Variants in AGBL1 observed in about 807,000 individuals in gnomAD.
AGBL1 encodes cytosolic carboxypeptidase 4.
Under a neutral mutation model 118.9 loss-of-function variants are expected in AGBL1, and 130 were observed. The observed-to-expected ratio is 1.09, with a 90% confidence interval of 0.95 to 1.26. The LOEUF (loss-of-function observed/expected upper bound fraction) is 1.26, where lower values mean the gene tolerates loss of function less well. AGBL1 is among the 50% of genes most tolerant of loss of function. AGBL1 has a pLI of 0.00. For missense variants in AGBL1, 1,584 were observed against 1,298.1 expected (o/e 1.22, Z -3.38); for synonymous variants, 555 against 478.9 (o/e 1.16, Z -2.08).
At chr15:86,740,137 A>C (rs2077656818) in intron 22 of AGBL1, among the ~76,000 whole-genome samples, 1 of 152,244 alleles carries the variant, frequency 6.6e-6, no homozygotes, top group African/African-American at 2.4e-5. Flanking sequence ...CCCAGCAAGT[A>C]CATTTCATTC....
chr15:86,819,463 A>G (rs1325754314), intron 22 of AGBL1, among the ~76,000 whole-genome samples: 5 of 151,994 alleles, frequency 3.3e-5, no homozygotes, highest in African/African-American at 9.7e-5. Context: ...TTAATGTGCA[A>G]AAATCACAAG....
At position 86,492,971 on chromosome 15, in the gene AGBL1, G is replaced by A. The variant is rs571956917; in HGVS notation, c.2556-29839G>A. Among the ~76,000 whole-genome samples the A allele has an allele frequency of 2.6e-5, 4 of 152,186 alleles. No homozygotes were observed. The East Asian group carries it at 5.9e-4, about 22-fold the overall frequency. On this transcript the variant is annotated intron_variant, in intron 18 of 22. Transcript: ENST00000614907. ...TGGGAGACTGAGGTGGGCAGATCAC[G>A]AGGTCAAGAGATCCAGACCATCCTG...
chr15:86,240,556 C>A lies in AGBL1; in HGVS notation c.527-7115C>A, dbSNP rs559525769. On this transcript the variant is annotated intron_variant, in intron 6 of 22. Coordinates refer to ENST00000614907, the MANE Select transcript of AGBL1 (RefSeq NM_001386094.1). Reference sequence around the variant, plus strand: ...ATGTGGAGTCCTATTTGGGATCAGGCAAGTTTTGCAATATAATTGCTCAAG... The same window carrying A: ...ATGTGGAGTCCTATTTGGGATCAGGAAAGTTTTGCAATATAATTGCTCAAG... Among the ~76,000 whole-genome samples the A allele has an allele frequency of 2.6e-5, 4 of 152,186 alleles. No individual in the cohort carries two copies. In the South Asian group the frequency reaches 8.3e-4, roughly 32 times the overall value.
intron 22 of AGBL1, among the ~76,000 whole-genome samples, chr15:86,718,543 A>G (rs1276372697): frequency 6.6e-6 from 1 of 152,178 alleles, no homozygotes; most frequent in Non-Finnish European, 1.5e-5. Context: ...TAATAAGAAA[A>G]AAACCATCCT....
intron 17 of AGBL1, among the ~76,000 whole-genome samples, chr15:86,376,145 A>G (rs1345632454): frequency 2.0e-5 from 3 of 152,148 alleles, no homozygotes; most frequent in Non-Finnish European, 1.5e-5. Context: ...CAAGTTAGAG[A>G]CTCAATGGGA....
intron 22 of AGBL1, among the ~76,000 whole-genome samples, chr15:86,814,275 C>G (rs992649395): frequency 2.6e-5 from 4 of 152,200 alleles, no homozygotes; most frequent in Non-Finnish European, 5.9e-5. Context: ...GATAATCTAA[C>G]TAATGCCTGA....
intron 22 of AGBL1, among the ~76,000 whole-genome samples, chr15:86,721,010 G>C (rs1398311715): frequency 6.6e-6 from 1 of 152,072 alleles, no homozygotes; most frequent in Non-Finnish European, 1.5e-5. Context: ...ATAATTAATA[G>C]CTTACCAATC....
chr15:86,194,920 G>T (rs938405534), intron 5 of AGBL1, among the ~76,000 whole-genome samples: 11 of 152,212 alleles, frequency 7.2e-5, no homozygotes, highest in Non-Finnish European at 8.8e-5. Flanking sequence ...TGTAGAACTT[G>T]ATACAAATAT....
intron 22 of AGBL1, among the ~76,000 whole-genome samples, chr15:86,750,060 A>C (rs1470087183): frequency 6.6e-6 from 1 of 152,034 alleles, no homozygotes; most frequent in African/African-American, 2.4e-5. Flanking sequence ...TTTTTCTATT[A>C]ATTGGAATAA....
chr15:86,199,621 A>G (rs2077871860), intron 5 of AGBL1, among the ~76,000 whole-genome samples: 1 of 152,178 alleles, frequency 6.6e-6, no homozygotes, highest in South Asian at 2.1e-4. Flanking sequence ...TGTTACGGAA[A>G]TTGTGACATT....
At chr15:86,906,741 G>T (rs1454608339) in intron 22 of AGBL1, among the ~76,000 whole-genome samples, 1 of 152,096 alleles carries the variant, frequency 6.6e-6, no homozygotes, top group Non-Finnish European at 1.5e-5. Context: ...CACATCTTCT[G>T]ATTGGAAATA....
intron 21 of AGBL1, among the ~76,000 whole-genome samples, chr15:86,605,021 C>T (rs1379834012): frequency 1.3e-5 from 2 of 152,056 alleles, no homozygotes; most frequent in Non-Finnish European, 2.9e-5. Context: ...TCTCGAACTC[C>T]CAACCTCAGG....
At chr15:86,458,029 TCC>T (rs1476954792) in intron 18 of AGBL1, among the ~76,000 whole-genome samples, 1 of 151,152 alleles carries the variant, frequency 6.6e-6, no homozygotes, top group Non-Finnish European at 1.5e-5. Context: ...GAAATGATTT[TCC>T]TACTTTCCTT....
intron 21 of AGBL1, among the ~76,000 whole-genome samples, chr15:86,584,890 C>G (rs146919013): frequency 6.6e-6 from 1 of 152,056 alleles, no homozygotes; most frequent in South Asian, 2.1e-4. Context: ...CTTATAGAGA[C>G]CTTTGACTTC....
At chr15:86,836,238 C>T (rs187025017) in intron 22 of AGBL1, among the ~76,000 whole-genome samples, 1 of 152,214 alleles carries the variant, frequency 6.6e-6, no homozygotes, top group Non-Finnish European at 1.5e-5. Flanking sequence ...CTTATTTGTT[C>T]AATAGGCCCC....
At chr15:87,030,087 A>G (rs1022932807), downstream of AGBL1, among the ~76,000 whole-genome samples, 17 of 151,414 alleles carry the variant, frequency 1.1e-4, no homozygotes, top group Admixed American at 1.1e-3. Flanking sequence ...CTTAAACTAA[A>G]CTTAAGGTAT....
At chr15:86,475,244 G>A (rs1050105045) in intron 18 of AGBL1, among the ~76,000 whole-genome samples, 1 of 152,210 alleles carries the variant, frequency 6.6e-6, no homozygotes, top group African/African-American at 2.4e-5. Context: ...GACGCGCTGA[G>A]AGAAGAAGGC....
chr15:86,997,215 G>A (rs1341874981), intron 24 of AGBL1, among the ~76,000 whole-genome samples: 3 of 152,070 alleles, frequency 2.0e-5, no homozygotes, highest in African/African-American at 7.2e-5. Flanking sequence ...GAGTCTAACT[G>A]TGCATGCCGG....
intron 17 of AGBL1, among the ~76,000 whole-genome samples, chr15:86,365,954 A>C (rs776268217): frequency 2.0e-5 from 3 of 152,182 alleles, no homozygotes; most frequent in African/African-American, 7.2e-5. Flanking sequence ...GTTGGAAAAA[A>C]ATCTTTTTTT....
Sources: gnomAD v4.1 joint callset for allele counts (sites outside exome capture counted in the v4.1 genomes callset) on GRCh38, gnomAD v4.1.1 for gene constraint, MANE v1.5 for transcripts, NCBI Gene and HGNC (gene_info 2026-07-23, HGNC 2026-07-21) for gene names.